NRXN3: variants seen among roughly 807,000 people sequenced by gnomAD.
The protein encoded by NRXN3 is neurexin 3.
A neutral mutation model predicts 137.6 loss-of-function variants in NRXN3; 32 were observed. The ratio of observed to expected loss-of-function variants is 0.23; its 90% confidence interval spans 0.18 to 0.31. The LOEUF (loss-of-function observed/expected upper bound fraction) is 0.31. Ranked by LOEUF, NRXN3 falls within the 10% of genes least tolerant of loss-of-function variation. The probability of loss-of-function intolerance (pLI) is 1.00; values close to 1 mark genes in which losing one functional copy is unlikely to be tolerated. For synonymous variants in NRXN3, 798 were observed against 784.5 expected, an observed-to-expected ratio of 1.02 and a Z score of -0.29; for missense variants, 1,574 against 2,062.5, an observed-to-expected ratio of 0.76 and a Z score of 4.59.
chr14:79,854,106 A>C (rs1434677007), intron 20 of NRXN3: 3 of 981,740 alleles, frequency 3.1e-6, no homozygotes, highest in Non-Finnish European at 3.6e-6. Context: ...ATGACAACAA[A>C]AAAAGCAAGT....
chr14:78,894,736 TA>T (rs1243580059), intron 10 of NRXN3, among the ~76,000 whole-genome samples: 1 of 151,836 alleles, frequency 6.6e-6, no homozygotes, highest in Admixed American at 6.6e-5. Context: ...TTTTAAATAA[TA>T]AGACTTGAAA....
intron 15 of NRXN3, among the ~76,000 whole-genome samples, chr14:79,172,803 C>T (rs1252640990): frequency 6.6e-6 from 1 of 152,090 alleles, no homozygotes; most frequent in South Asian, 2.1e-4. Context: ...TGAGTAAGAA[C>T]TATGCTTTAT....
intron 16 of NRXN3, among the ~76,000 whole-genome samples, chr14:79,491,506 G>T (rs17109292): frequency 0.081 from 12,362 of 152,066 alleles, 669 homozygotes; most frequent in South Asian, 0.24. Context: ...TGCTTAGTTG[G>T]TAAAATCTTG....
intron 16 of NRXN3, among the ~76,000 whole-genome samples, chr14:79,591,490 T>C (rs1027005735): frequency 3.9e-5 from 6 of 152,160 alleles, no homozygotes; most frequent in Non-Finnish European, 7.3e-5. Flanking sequence ...GAAAACACAG[T>C]GAAGCTTAAG....
chr14:79,565,274 T>C (rs1421429501), intron 16 of NRXN3, among the ~76,000 whole-genome samples: 25 of 137,902 alleles, frequency 1.8e-4, no homozygotes, highest in African/African-American at 6.5e-4. Context: ...CATGTGTGTG[T>C]GTATACATAT....
rs141671117 is a variant in NRXN3, at chr14:78,818,516, T to C, written c.2275+8172T>C. On this transcript the variant is annotated intron_variant, in intron 10 of 20. Transcript: ENST00000335750. ...TGAATTTGTCGTCTTAACCTAATAA[T>C]CTAAAGGAATATATATTACTTTCTC... Among the ~76,000 whole-genome samples, 476 of 152,236 alleles carry C rather than the reference T, an allele frequency of 3.1e-3. 4 individuals are homozygous for C. Among genetic ancestry groups the C allele is most frequent in the African/African-American group, 0.011 (455 of 41,570 alleles).
chr14:78,781,745 A>G (rs532864360), intron 8 of NRXN3, among the ~76,000 whole-genome samples: 4 of 152,260 alleles, frequency 2.6e-5, no homozygotes, highest in Non-Finnish European at 4.4e-5. Flanking sequence ...AAGCTGTTTA[A>G]TAATAGAATT....
intron 4 of NRXN3, among the ~76,000 whole-genome samples, chr14:78,504,796 A>G (rs1011354462): frequency 6.6e-6 from 1 of 152,114 alleles, no homozygotes; most frequent in East Asian, 1.9e-4. Flanking sequence ...CTTAACGTAT[A>G]CTGTGTGAAA....
intron 4 of NRXN3, among the ~76,000 whole-genome samples, chr14:78,515,504 A>T (rs994073481): frequency 1.3e-5 from 2 of 152,166 alleles, no homozygotes; most frequent in Non-Finnish European, 2.9e-5. Flanking sequence ...GAAGTGGCCT[A>T]TGAAAAAGCA....
rs141757369 is a variant in NRXN3, at chr14:78,380,720, T to A, written c.757+82860T>A. Among the ~76,000 whole-genome samples the A allele has an allele frequency of 1.0e-3, 158 of 152,286 alleles. 1 individual carries two copies. Among genetic ancestry groups the A allele is most frequent in the African/African-American group, 3.7e-3 (153 of 41,562 alleles). ...CTGTTTTCTTAAGCCATCAAGATTG[T>A]GTTAATTTCTTACAGTAGTCACAGA... is the stretch of plus-strand genomic sequence containing the variant. On this transcript the variant is annotated intron_variant, in intron 4 of 20. Transcript: ENST00000335750.
chr14:78,850,309 T>A (rs1236226814), intron 10 of NRXN3, among the ~76,000 whole-genome samples: 2 of 152,106 alleles, frequency 1.3e-5, no homozygotes, highest in Non-Finnish European at 2.9e-5. Context: ...GGTCTCTCAG[T>A]GACAAAGTGA....
intron 4 of NRXN3, among the ~76,000 whole-genome samples, chr14:78,552,989 A>G (rs539830023): frequency 1.3e-5 from 2 of 152,322 alleles, no homozygotes; most frequent in Admixed American, 6.5e-5. Context: ...ATGTACATCT[A>G]TTATACATCA....
intron 15 of NRXN3, among the ~76,000 whole-genome samples, chr14:79,455,637 C>T (rs2096247986): frequency 6.6e-6 from 1 of 151,972 alleles, no homozygotes; most frequent in Non-Finnish European, 1.5e-5. Flanking sequence ...ATGATCCATT[C>T]CTTCTGACTT....
intron 15 of NRXN3, among the ~76,000 whole-genome samples, chr14:79,427,443 A>AAC (rs368389192): frequency 0.028 from 4,308 of 151,638 alleles, 197 homozygotes; most frequent in African/African-American, 0.099. Context: ...CACACACACA[A>AAC]ACACACACAC....
intron 14 of NRXN3, among the ~76,000 whole-genome samples, chr14:78,985,220 C>T (rs894670503): frequency 6.6e-6 from 1 of 152,148 alleles, no homozygotes; most frequent in Non-Finnish European, 1.5e-5. Context: ...ATTCAGATCA[C>T]CCTAACATTT....
At chr14:79,200,362 G>A (rs1488285789) in intron 15 of NRXN3, among the ~76,000 whole-genome samples, 1 of 152,138 alleles carries the variant, frequency 6.6e-6, no homozygotes, top group African/African-American at 2.4e-5. Context: ...TATCCATGAT[G>A]AGAGTATACC....
rs74679219 is a variant in NRXN3 at position 78,524,562 on chromosome 14, A to AT, written c.758-120549dup. Among the ~76,000 whole-genome samples the AT allele has an allele frequency of 5.7e-3, 872 of 151,902 alleles. 43 individuals are homozygous for AT. In the East Asian group the frequency reaches 0.095, roughly 17 times the overall value. On this transcript the variant is annotated intron_variant, in intron 4 of 20. Transcript: ENST00000335750. ...GGTTCTTTTAGTGTAGGGTGCAGGAATTTTTTTTTATAACAACTTCCCCAG... is the reference window on the plus strand; with the variant it reads ...GGTTCTTTTAGTGTAGGGTGCAGGAATTTTTTTTTTATAACAACTTCCCCAG...
At chr14:78,435,841 T>G (rs2094046391) in intron 4 of NRXN3, among the ~76,000 whole-genome samples, 1 of 152,224 alleles carries the variant, frequency 6.6e-6, no homozygotes, top group Non-Finnish European at 1.5e-5. Flanking sequence ...TCTGGATGCG[T>G]TTCATCATGA....
At chr14:79,359,641 GCTCACTGCAAC>G (rs1234519506) in intron 15 of NRXN3, among the ~76,000 whole-genome samples, 2 of 150,174 alleles carry the variant, frequency 1.3e-5, no homozygotes, top group African/African-American at 4.9e-5. Flanking sequence ...CGTGATCTTG[GCTCACTGCAAC>G]CTCTTCCTCC....
Sources: gnomAD v4.1 joint callset for allele counts (sites outside exome capture counted in the v4.1 genomes callset) on GRCh38, gnomAD v4.1.1 for gene constraint, MANE v1.5 for transcripts, NCBI Gene and HGNC (gene_info 2026-07-23, HGNC 2026-07-21) for gene names.